The following MCUB variants were observed in gnomAD, a reference collection of about 807,000 sequenced individuals.
The protein encoded by MCUB is calcium uniporter regulatory subunit MCUb, mitochondrial.
MCUB carries 46 observed loss-of-function variants against 41.4 expected under a neutral mutation model. The ratio of observed to expected loss-of-function variants is 1.11; its 90% CI spans 0.88 to 1.42. The LOEUF (loss-of-function observed/expected upper bound fraction) is 1.42, where lower values mean the gene tolerates loss of function less well. MCUB is among the 40% of genes most tolerant of loss of function. The pLI, the probability that MCUB is intolerant of heterozygous loss-of-function variation, is 0.00. For synonymous variants in MCUB, 148 were observed against 148.2 expected (o/e 1.00, Z 0.01); for missense variants, 403 against 404.9 (o/e 1.00, Z 0.04).
At chr4:109,579,525 T>G (rs748921436) in intron 1 of MCUB, among the ~76,000 whole-genome samples, 4 of 152,166 alleles carry the variant, frequency 2.6e-5, no homozygotes, top group Non-Finnish European at 5.9e-5. Context: ...AAACCTCACA[T>G]TTAAAGCAAA....
chr4:109,580,593 C>T (rs1175290780), intron 1 of MCUB, among the ~76,000 whole-genome samples: 1 of 152,186 alleles, frequency 6.6e-6, no homozygotes, highest in African/African-American at 2.4e-5. Flanking sequence ...GAGATGGCAT[C>T]TCATTGTGGT....
At chr4:109,649,854 A>AT (rs1728921783) in intron 1 of MCUB, among the ~76,000 whole-genome samples, 1 of 152,116 alleles carries the variant, frequency 6.6e-6, no homozygotes, top group Admixed American at 6.5e-5. Context: ...GATTACACGC[A>AT]TGAGCCACTG....
chr4:109,679,298 G>A (rs1169025833), intron 4 of MCUB, among the ~76,000 whole-genome samples: 3 of 152,242 alleles, frequency 2.0e-5, no homozygotes, highest in Non-Finnish European at 2.9e-5. Flanking sequence ...AAGGCAGGCG[G>A]CTGGGAGGTG....
chr4:109,660,849 A>T (rs140054924), intron 3 of MCUB, among the ~76,000 whole-genome samples: 1,668 of 152,270 alleles, frequency 0.011, 38 homozygotes, highest in African/African-American at 0.038. Flanking sequence ...AAAAAATTTA[A>T]CTTCATTGAA....
intron 1 of MCUB, among the ~76,000 whole-genome samples, chr4:109,587,195 C>T (rs1466324087): frequency 6.6e-6 from 1 of 152,256 alleles, no homozygotes; most frequent in African/African-American, 2.4e-5. Flanking sequence ...CAGGCTGCTG[C>T]CTCATAAGTC....
intron 1 of MCUB, among the ~76,000 whole-genome samples, chr4:109,580,250 G>T (rs1051849819): frequency 6.6e-6 from 1 of 152,144 alleles, no homozygotes; most frequent in African/African-American, 2.4e-5. Flanking sequence ...TGGTGTATAT[G>T]TGCCACATTT....
intron 1 of MCUB, among the ~76,000 whole-genome samples, chr4:109,657,185 C>T (rs1729122889): frequency 7.0e-6 from 1 of 143,032 alleles, no homozygotes; most frequent in Non-Finnish European, 1.5e-5. Flanking sequence ...CATCACTGCA[C>T]TCCAGCCTGG....
At chr4:109,620,256 A>G (rs1728225405) in intron 1 of MCUB, among the ~76,000 whole-genome samples, 1 of 152,080 alleles carries the variant, frequency 6.6e-6, no homozygotes, top group Non-Finnish European at 1.5e-5. Context: ...TCAGAGGAGC[A>G]AATCCAGGCA....
chr4:109,656,076 C>T (rs778409044), intron 1 of MCUB, among the ~76,000 whole-genome samples: 4 of 152,086 alleles, frequency 2.6e-5, no homozygotes, highest in African/African-American at 4.8e-5. Flanking sequence ...TTCAGTAGTA[C>T]ACCTGCAACT....
chr4:109,590,731 G>A (rs901240706), intron 1 of MCUB, among the ~76,000 whole-genome samples: 1 of 152,046 alleles, frequency 6.6e-6, no homozygotes, highest in African/African-American at 2.4e-5. Flanking sequence ...TAGAAGATGA[G>A]GATTTAGCTC....
chr4:109,683,724 A>G (rs1729768823), intron 5 of MCUB, among the ~76,000 whole-genome samples: 1 of 152,208 alleles, frequency 6.6e-6, no homozygotes, highest in African/African-American at 2.4e-5. Flanking sequence ...TGATGGGCAT[A>G]TGGATTCTTT....
intron 1 of MCUB, among the ~76,000 whole-genome samples, chr4:109,609,355 A>G (rs1727949452): frequency 6.6e-6 from 1 of 152,120 alleles, no homozygotes; most frequent in Admixed American, 6.5e-5. Context: ...CATGCCTCCC[A>G]TTTTTAGACC....
chr4:109,573,319 G>C (rs140199997), intron 1 of MCUB, among the ~76,000 whole-genome samples: 6 of 152,176 alleles, frequency 3.9e-5, no homozygotes, highest in African/African-American at 1.4e-4. Context: ...CACGCGTGGT[G>C]GTGGGCACCT....
intron 1 of MCUB, among the ~76,000 whole-genome samples, chr4:109,584,162 C>T (rs1032673140): frequency 1.3e-5 from 2 of 152,128 alleles, no homozygotes; most frequent in South Asian, 2.1e-4. Context: ...TCAACTTCTT[C>T]CTGGTTTAGT....
chr4:109,633,684 C>T (rs1043747766), intron 1 of MCUB, among the ~76,000 whole-genome samples: 6 of 152,176 alleles, frequency 3.9e-5, no homozygotes, highest in African/African-American at 1.4e-4. Flanking sequence ...GCCAACTGTG[C>T]TACCCCATGT....
chr4:109,605,090 T>C (rs781091160), intron 1 of MCUB, among the ~76,000 whole-genome samples: 1 of 152,204 alleles, frequency 6.6e-6, no homozygotes, highest in African/African-American at 2.4e-5. Flanking sequence ...TCGAGTAGGA[T>C]TGATATTAGT....
At chr4:109,643,654 A>AT (rs1202135699) in intron 1 of MCUB, among the ~76,000 whole-genome samples, 4 of 151,976 alleles carry the variant, frequency 2.6e-5, no homozygotes, top group Non-Finnish European at 5.9e-5. Context: ...ACAGGCATGC[A>AT]TCACCATGCC....
chr4:109,562,492 A>T (rs964128379), intron 1 of MCUB, among the ~76,000 whole-genome samples: 6 of 152,198 alleles, frequency 3.9e-5, no homozygotes, highest in African/African-American at 1.4e-4. Flanking sequence ...ATTTTCTGCT[A>T]ATCAAATTAC....
intron 1 of MCUB, among the ~76,000 whole-genome samples, chr4:109,600,802 T>A (rs900595026): frequency 8.5e-5 from 13 of 152,068 alleles, no homozygotes; most frequent in East Asian, 7.7e-4. Context: ...ATATATATAT[T>A]TTTTTCCTTC....
Sources: allele counts gnomAD v4.1 joint callset (sites outside exome capture counted in the v4.1 genomes callset), GRCh38; gene constraint gnomAD v4.1.1; transcripts MANE v1.5; gene names NCBI Gene and HGNC (gene_info 2026-07-23, HGNC 2026-07-21).